The following CFAP99 variants were observed in gnomAD, a reference collection of about 807,000 sequenced individuals.
CFAP99 encodes cilia- and flagella-associated protein 99.
A neutral mutation model predicts 82.7 loss-of-function variants in CFAP99; 84 were observed. The observed-to-expected ratio is 1.02, with a 90% CI of 0.85 to 1.22. The LOEUF is 1.22. Ranked by LOEUF, CFAP99 falls within the 50% of genes most tolerant of loss-of-function variation. CFAP99 has a pLI of 0.00. For missense variants in CFAP99, 1,059 were observed against 983.5 expected (o/e 1.08, Z -1.03); for synonymous variants, 456 against 429.5 (o/e 1.06, Z -0.76).
chr4:2,421,916 G>A (rs902659184), intron 1 of CFAP99, among the ~76,000 whole-genome samples: 1 of 152,098 alleles, frequency 6.6e-6, no homozygotes, highest in East Asian at 1.9e-4. Flanking sequence ...AATTAGTCGG[G>A]CGTGGTAGTA....
At position 2,460,209 on chromosome 4, in the gene CFAP99, G is replaced by A. The variant is rs527604596; in HGVS notation, c.1628G>A (p.Cys543Tyr). 39 of 1,536,014 alleles carry A rather than the reference G, an allele frequency of 2.5e-5. No homozygotes were observed. The highest frequency in any genetic ancestry group is 3.3e-5 in the Non-Finnish European group (38 of 1,146,918). Residue 543 changes from cysteine to tyrosine, a missense_variant, in exon 14 of 15, where the codon TGC (cysteine) becomes TAC (tyrosine). Transcript: ENST00000635017. ...AACATGGTGGAGCAGATCTCGCTGT[G>A]CCGTGCAGCCATGGGGAGATCCGCA...
chr4:2,444,583 C>T (rs888650869), intron 5 of CFAP99, among the ~76,000 whole-genome samples: 4 of 152,072 alleles, frequency 2.6e-5, no homozygotes, highest in African/African-American at 4.8e-5. Context: ...GCCCCACACT[C>T]GGGCGGCCTG....
At chr4:2,459,852 A>T (rs1200237139) in intron 13 of CFAP99, among the ~76,000 whole-genome samples, 185 bp from the exon 14 acceptor site, 1 of 152,258 alleles carries the variant, frequency 6.6e-6, no homozygotes, top group African/African-American at 2.4e-5. Flanking sequence ...GTGCAGACCC[A>T]CACAAGGTGT....
At position 2,459,154 on chromosome 4, in the gene CFAP99, CA is replaced by C; in HGVS notation, c.1352del (p.Gln451ArgfsTer33). The C allele has an allele frequency of 2.0e-6, 3 of 1,535,212 alleles. No homozygotes were observed. The South Asian group carries it at 3.6e-5, about 18-fold the overall frequency. ...CAGGGGGCTGCTGCAGCGCAGGGCG[CA>C]GGCAGCCCAGGAGGAGCAGCGGCGC... On this transcript the variant is annotated frameshift_variant, in exon 13 of 15. Coordinates refer to ENST00000635017, the Ensembl canonical transcript of CFAP99. LOFTEE classifies it high-confidence loss of function.
rs1734174517 is a variant in CFAP99, at chr4:2,446,772, G to A, written c.642+1464G>A. On this transcript the variant is annotated intron_variant, in intron 6 of 14. Transcript: ENST00000635017. This position sits in a 1 kb window ranked among gnomAD's most constrained non-coding sequence, Gnocchi z 5.0. Reference sequence around the variant, plus strand: ...GTAAATACCAGTTGGATGGATGGATGGGTGGATGGATTATCAGATGGATGG... The same window carrying A: ...GTAAATACCAGTTGGATGGATGGATAGGTGGATGGATTATCAGATGGATGG... Among the ~76,000 whole-genome samples, 1 of 152,180 alleles carries A rather than the reference G, an allele frequency of 6.6e-6. No individual in the cohort carries two copies. The highest frequency in any genetic ancestry group is 2.1e-4 in the South Asian group (1 of 4,830).
At chr4:2,439,442 G>C (rs1037566818) in intron 4 of CFAP99, among the ~76,000 whole-genome samples, 2 of 152,160 alleles carry the variant, frequency 1.3e-5, no homozygotes, top group African/African-American at 4.8e-5. Flanking sequence ...TAGCTCTTCA[G>C]GGGGTGTTCC....
chr4:2,458,096 G>A (rs773956211), intron 11 of CFAP99, among the ~76,000 whole-genome samples: 8 of 152,314 alleles, frequency 5.3e-5, no homozygotes, highest in East Asian at 1.9e-4. Context: ...GGCCTGAGGC[G>A]CCCAGCCGTC....
chr4:2,441,344 G>A (rs1162807629), intron 4 of CFAP99, among the ~76,000 whole-genome samples: 3 of 144,572 alleles, frequency 2.1e-5, no homozygotes, highest in African/African-American at 5.2e-5. Flanking sequence ...TTGCACTCCA[G>A]CCTGGGCGAC....
intron 2 of CFAP99, among the ~76,000 whole-genome samples, chr4:2,430,933 C>T (rs980530411): frequency 6.6e-6 from 1 of 151,932 alleles, no homozygotes; most frequent in Non-Finnish European, 1.5e-5. Context: ...ATTAGCCAAA[C>T]ACAGTGGCAC....
At chr4:2,436,207 C>A (rs1733904523) in intron 2 of CFAP99, among the ~76,000 whole-genome samples, 1 of 152,096 alleles carries the variant, frequency 6.6e-6, no homozygotes, top group Non-Finnish European at 1.5e-5. Context: ...CAGGGTCCCA[C>A]TCCATTGCCC....
At chr4:2,456,302 G>T (rs1328832133) in intron 11 of CFAP99, among the ~76,000 whole-genome samples, 1 of 152,012 alleles carries the variant, frequency 6.6e-6, no homozygotes, top group Admixed American at 6.6e-5. Context: ...CAAAGTGCTG[G>T]AATTATAGGC....
rs1415955529 is a variant in CFAP99, at chr4:2,448,497, T to C, written c.643-1173T>C. Among the ~76,000 whole-genome samples, 1 of 152,206 alleles carries C rather than the reference T, an allele frequency of 6.6e-6. No individual in the cohort carries two copies. The highest frequency in any genetic ancestry group is 1.5e-5 in the Non-Finnish European group (1 of 68,030). On this transcript the variant is annotated intron_variant, in intron 6 of 14. Transcript: ENST00000635017. This position sits in a 1 kb window ranked among gnomAD's most constrained non-coding sequence, Gnocchi z 5.2. ...TGAGGGCCCACTGTAATTCACTCAT[T>C]CATTATCTCAGACAAAGGAGATAAG...
At chr4:2,460,654 A>G (rs1370081258) in intron 14 of CFAP99, among the ~76,000 whole-genome samples, 1 of 152,238 alleles carries the variant, frequency 6.6e-6, no homozygotes, top group Non-Finnish European at 1.5e-5. Context: ...CCTGACACCA[A>G]TAGAAAATGG....
In CFAP99 at chr4:2,462,197, G is replaced by GA. The variant is rs967282250; in HGVS notation, c.1662-239dup. 2.6e-5 allele frequency: 10 copies of GA among 382,800 alleles called. No individual in the cohort carries two copies. Among genetic ancestry groups the GA allele is most frequent in the Admixed American group, 1.4e-4 (3 of 21,424 alleles). 23.7% of individuals were successfully genotyped at this position (382,800 alleles called of 1,614,324 possible). On this transcript the variant is annotated intron_variant, in intron 14 of 14. Coordinates refer to ENST00000635017, the Ensembl canonical transcript of CFAP99. This position sits in a 1 kb window ranked among gnomAD's most constrained non-coding sequence, Gnocchi z 4.1. ...CAACAACAACAAAAATTAAAGAAAA[G>GA]AAAAAAAGAGCAAAAGGGTAGATAG...
intron 1 of CFAP99, among the ~76,000 whole-genome samples, chr4:2,423,277 G>A (rs1203736439): frequency 6.6e-5 from 10 of 152,324 alleles, no homozygotes; most frequent in Admixed American, 4.6e-4. Flanking sequence ...GCACCACACC[G>A]CACCGCACCC....
At chr4:2,449,624 A>G in intron 6 of CFAP99, 46 bp from the exon 7 acceptor site, 1 of 1,513,426 alleles carries the variant, frequency 6.6e-7, no homozygotes, top group Non-Finnish European at 8.9e-7. Flanking sequence ...GCCCCCTCCC[A>G]CTCGCAGCTG....
At chr4:2,459,373 A>C in intron 13 of CFAP99, 115 bp downstream of exon 13, 2 of 1,240,440 alleles carry the variant, frequency 1.6e-6, no homozygotes, top group South Asian at 3.2e-5. Flanking sequence ...GCACCACCTG[A>C]AACCTGGCCC....
rs192626029 is a variant in CFAP99, at chr4:2,435,261, C to T, written c.112-1613C>T. Among the ~76,000 whole-genome samples the T allele has an allele frequency of 3.6e-3, 529 of 147,094 alleles. 4 individuals are homozygous for T. The highest frequency in any genetic ancestry group is 0.013 in the African/African-American group (518 of 39,144). On this transcript the variant is annotated intron_variant, in intron 2 of 14. Coordinates refer to ENST00000635017, the Ensembl canonical transcript of CFAP99. ...GCAGTGAGCTGAAATTGTACCACTG[C>T]ACTCCAGCCTGGGCGACAGAGCAAG...
intron 11 of CFAP99, among the ~76,000 whole-genome samples, chr4:2,458,014 G>C (rs887288303): frequency 6.6e-6 from 1 of 152,142 alleles, no homozygotes; most frequent in African/African-American, 2.4e-5. Flanking sequence ...CCTTTTCTGT[G>C]GACTGCTGCT....
Sources: allele counts gnomAD v4.1 joint callset (sites outside exome capture counted in the v4.1 genomes callset), GRCh38; gene constraint gnomAD v4.1.1; non-coding constraint Gnocchi (gnomAD v3.1); transcripts MANE v1.5; gene names NCBI Gene and HGNC (gene_info 2026-07-23, HGNC 2026-07-21).